Variants in APCDD1L observed in about 807,000 individuals in gnomAD.
The protein encoded by APCDD1L is protein APCDD1-like.
APCDD1L carries 21 observed loss-of-function variants against 24.2 expected under a neutral mutation model. That is an observed-to-expected ratio of 0.87 (90% CI 0.61 to 1.25). The LOEUF (loss-of-function observed/expected upper bound fraction) is 1.25, where lower values mean the gene tolerates loss of function less well. APCDD1L is among the 50% of genes most tolerant of loss of function. APCDD1L has a pLI of 0.00. For synonymous variants in APCDD1L, 321 were observed against 323.6 expected (o/e 0.99, Z 0.09); for missense variants, 704 against 711.7 (o/e 0.99, Z 0.12).
intron 1 of APCDD1L, chr20:58,513,801 C>T (rs533947223): frequency 2.1e-6 from 2 of 932,048 alleles, no homozygotes; most frequent in African/African-American, 1.7e-5. Context: ...CTGAGAGAGC[C>T]GATGGCCATG....
chr20:58,489,076 C>T (rs945719565), intron 1 of APCDD1L, among the ~76,000 whole-genome samples: 1 of 152,154 alleles, frequency 6.6e-6, no homozygotes, highest in African/African-American at 2.4e-5. Flanking sequence ...ACAGATCCAG[C>T]AGGTTTTTAT....
At chr20:58,501,918 T>C (rs1415995029) in intron 1 of APCDD1L, among the ~76,000 whole-genome samples, 1 of 152,208 alleles carries the variant, frequency 6.6e-6, no homozygotes, top group Non-Finnish European at 1.5e-5. Flanking sequence ...AGTTGGTTCC[T>C]CTCATCCTGG....
chr20:58,465,649 C>T (rs1357736212), intron 3 of APCDD1L, among the ~76,000 whole-genome samples: 2 of 152,166 alleles, frequency 1.3e-5, no homozygotes, highest in East Asian at 1.9e-4. Context: ...TTTTTCACCT[C>T]GAATGCTAAC....
intron 1 of APCDD1L, among the ~76,000 whole-genome samples, chr20:58,478,421 C>T (rs187438833): frequency 4.1e-5 from 6 of 145,742 alleles, no homozygotes; most frequent in African/African-American, 1.5e-4. Flanking sequence ...CTTCCCTTTT[C>T]CCCTTCCCTT....
intron 1 of APCDD1L, among the ~76,000 whole-genome samples, chr20:58,476,078 G>C (rs1989904794): frequency 6.6e-6 from 1 of 152,090 alleles, no homozygotes; most frequent in Non-Finnish European, 1.5e-5. Context: ...TTTTTTGGGG[G>C]GTTACATTCA....
At chr20:58,509,861 G>A (rs2123197044) in intron 1 of APCDD1L, among the ~76,000 whole-genome samples, 1 of 152,274 alleles carries the variant, frequency 6.6e-6, no homozygotes, top group South Asian at 2.1e-4. Context: ...ACATCCTTCA[G>A]TGAACACTCC....
intron 1 of APCDD1L, among the ~76,000 whole-genome samples, chr20:58,480,307 C>A (rs1279627055): frequency 6.6e-6 from 1 of 152,060 alleles, no homozygotes; most frequent in Non-Finnish European, 1.5e-5. Context: ...GAAGGCTGCC[C>A]GAGAAAGTCA....
Position 58,514,865 on chromosome 20 carries a change from G to C in APCDD1L, c.-158C>G, listed in dbSNP as rs781677748. The C allele has an allele frequency of 1.7e-5, 8 of 468,628 alleles. No homozygotes were observed. The highest frequency in any genetic ancestry group is 2.1e-5 in the Non-Finnish European group (6 of 289,794). 29.0% of individuals were successfully genotyped at this position (468,628 alleles called of 1,614,324 possible). ...TGCGCCCCCCTCGGCGCTCACACGCGCTCAGCCTTCCCGGCTGTTGATAGT... is the reference window on the plus strand; with the variant it reads ...TGCGCCCCCCTCGGCGCTCACACGCCCTCAGCCTTCCCGGCTGTTGATAGT... On this transcript the variant is annotated 5_prime_UTR_variant, in exon 1 of 4. Transcript: ENST00000371149.
Position 58,508,926 on chromosome 20 carries a change from G to A in APCDD1L, c.49+5733C>T, listed in dbSNP as rs1990573447. ...TGTGTGCACATGCGTGAGTGTGCATGAGTGTGCGTGAGTGTGTGTGAGTGT... is the reference window on the plus strand; with the variant it reads ...TGTGTGCACATGCGTGAGTGTGCATAAGTGTGCGTGAGTGTGTGTGAGTGT... On this transcript the variant is annotated intron_variant, in intron 1 of 3. Coordinates refer to ENST00000371149, the MANE Select transcript of APCDD1L (RefSeq NM_153360.3). The surrounding 1 kb of genome is among the most constrained non-coding windows in gnomAD (Gnocchi z 4.0). 6.6e-6 allele frequency among the ~76,000 whole-genome samples: 1 copy of A among 152,026 alleles called. No individual in the cohort carries two copies. The highest frequency in any genetic ancestry group is 2.1e-4 in the South Asian group (1 of 4,824).
At chr20:58,462,840 T>G (rs1463551293) in intron 3 of APCDD1L, among the ~76,000 whole-genome samples, 1 of 117,076 alleles carries the variant, frequency 8.5e-6, no homozygotes. Flanking sequence ...CGAGACACCA[T>G]CTCAAAAAAA....
intron 1 of APCDD1L, among the ~76,000 whole-genome samples, chr20:58,513,274 T>A (rs1489129891): frequency 6.6e-6 from 1 of 152,142 alleles, no homozygotes; most frequent in Non-Finnish European, 1.5e-5. Context: ...CTTTCCAGTT[T>A]GCATTTTCCT....
chr20:58,477,093 G>T (rs562263135), intron 1 of APCDD1L, among the ~76,000 whole-genome samples: 1 of 152,242 alleles, frequency 6.6e-6, no homozygotes, highest in African/African-American at 2.4e-5. Flanking sequence ...TGCAAAAGTG[G>T]TAGAAAGAGT....
chr20:58,479,312 ATTTTATAC>A (rs2123153107), intron 1 of APCDD1L, among the ~76,000 whole-genome samples: 1 of 152,198 alleles, frequency 6.6e-6, no homozygotes, highest in East Asian at 1.9e-4. Context: ...CTTGGTGTAT[ATTTTATAC>A]TTACAGCACA....
chr20:58,465,724 G>A (rs949617923), intron 3 of APCDD1L, among the ~76,000 whole-genome samples: 2 of 152,164 alleles, frequency 1.3e-5, no homozygotes, highest in Non-Finnish European at 2.9e-5. Flanking sequence ...TGTAAATGGA[G>A]GCAACGAGCC....
At chr20:58,473,944 T>C (rs950720006) in intron 1 of APCDD1L, among the ~76,000 whole-genome samples, 1 of 152,246 alleles carries the variant, frequency 6.6e-6, no homozygotes, top group Non-Finnish European at 1.5e-5. Flanking sequence ...GCTTAAAATA[T>C]GACCTGCTTG....
At chr20:58,476,793 T>C (rs1046122135) in intron 1 of APCDD1L, among the ~76,000 whole-genome samples, 6 of 152,230 alleles carry the variant, frequency 3.9e-5, no homozygotes, top group African/African-American at 1.4e-4. Flanking sequence ...CCACCGTGCT[T>C]TTCCACTGTG....
intron 1 of APCDD1L, among the ~76,000 whole-genome samples, chr20:58,493,940 A>G (rs1165443320): frequency 2.0e-5 from 3 of 152,270 alleles, no homozygotes; most frequent in Admixed American, 2.0e-4. Context: ...AGTTAACCAG[A>G]AGCCTAACTG....
intron 1 of APCDD1L, among the ~76,000 whole-genome samples, chr20:58,493,877 A>G (rs1021505962): frequency 6.2e-4 from 94 of 152,348 alleles, no homozygotes; most frequent in African/African-American, 2.1e-3. Context: ...CACACAGTTG[A>G]AAATCTACCG....
chr20:58,462,361 T>C (rs1989624967), intron 3 of APCDD1L, among the ~76,000 whole-genome samples: 1 of 152,154 alleles, frequency 6.6e-6, no homozygotes, highest in African/African-American at 2.4e-5. Context: ...AGAGACCAGC[T>C]GAAATGCAGC....
Sources: gnomAD v4.1 joint callset for allele counts (sites outside exome capture counted in the v4.1 genomes callset) on GRCh38, gnomAD v4.1.1 for gene constraint, Gnocchi (gnomAD v3.1) non-coding constraint, MANE v1.5 for transcripts, NCBI Gene and HGNC (gene_info 2026-07-23, HGNC 2026-07-21) for gene names.